FBLN2: variants seen among roughly 807,000 people sequenced by gnomAD.
FBLN2 encodes the protein fibulin 2.
Under a neutral mutation model 123.7 loss-of-function variants are expected in FBLN2, and 81 were observed. The observed-to-expected ratio is 0.65, with a 90% CI of 0.55 to 0.79. The LOEUF (loss-of-function observed/expected upper bound fraction) is 0.79. Ranked by LOEUF, FBLN2 falls within the 30% of genes least tolerant of loss-of-function variation. The probability of loss-of-function intolerance (pLI) is 0.00; values close to 1 mark genes in which losing one functional copy is unlikely to be tolerated. For synonymous variants in FBLN2, 699 were observed against 701.4 expected (o/e 1.00, Z 0.05); for missense variants, 1,603 against 1,681.3 (o/e 0.95, Z 0.81).
intron 1 of FBLN2, among the ~76,000 whole-genome samples, chr3:13,549,987 CAG>C (rs548326504): frequency 5.9e-5 from 9 of 152,372 alleles, no homozygotes; most frequent in Admixed American, 1.3e-4. Context: ...GTCCGCCACA[CAG>C]GGGTAGCTAT....
Position 13,549,528 on chromosome 3 carries a change from C to A in FBLN2, c.-42+320C>A, listed in dbSNP as rs1013563653. 9.2e-5 allele frequency among the ~76,000 whole-genome samples: 14 copies of A among 151,804 alleles called. No homozygotes were observed. The East Asian group carries it at 2.3e-3, about 25-fold the overall frequency. ...CCTCCGCTCTGGGTTTCACTTCTCC[C>A]CCCTGGGCCGGCTCCCACCAGTCAT... is the stretch of plus-strand genomic sequence containing the variant. On this transcript the variant is annotated intron_variant, in intron 1 of 17. Transcript: ENST00000404922.
intron 1 of FBLN2, among the ~76,000 whole-genome samples, chr3:13,568,067 G>A (rs537332725): frequency 1.3e-4 from 20 of 152,230 alleles, no homozygotes; most frequent in African/African-American, 4.8e-4. Flanking sequence ...TTCTCCCAGG[G>A]GCCCATTCCT....
At chr3:13,559,898 C>T (rs985372906) in intron 1 of FBLN2, among the ~76,000 whole-genome samples, 1 of 152,108 alleles carries the variant, frequency 6.6e-6, no homozygotes, top group African/African-American at 2.4e-5. Context: ...CCGCCCCAGG[C>T]GGGGCATGGG....
chr3:13,592,793 T>A (rs1704717840), intron 2 of FBLN2, among the ~76,000 whole-genome samples: 1 of 152,212 alleles, frequency 6.6e-6, no homozygotes. Context: ...ATTTCTGGCT[T>A]ATATTAGTTT....
Position 13,571,103 on chromosome 3 carries a change from G to C in FBLN2, c.748G>C (p.Val250Leu). 1 of 1,553,066 alleles carries C rather than the reference G, an allele frequency of 6.4e-7. No homozygotes were observed. Among genetic ancestry groups the C allele is most frequent in the Non-Finnish European group, 8.7e-7 (1 of 1,148,444 alleles). The change falls in exon 2 of 18, where the codon GTC (valine) becomes CTC (leucine). Residue 250 changes from valine to leucine, a missense_variant. Coordinates refer to ENST00000404922, the MANE Select transcript of FBLN2 (RefSeq NM_001004019.2). Reference sequence around the variant, plus strand: ...CATCCAGGCACCCCCCTGGCCAGCTGTCCTCCCCAGGCCCACAGCGGCTGC... The same window carrying C: ...CATCCAGGCACCCCCCTGGCCAGCTCTCCTCCCCAGGCCCACAGCGGCTGC... ...STIQAPPWPA[V>L]LPRPTAAAAL...
At chr3:13,620,759 A>G (rs890682090) in intron 8 of FBLN2, among the ~76,000 whole-genome samples, 9 of 152,292 alleles carry the variant, frequency 5.9e-5, no homozygotes, top group Middle Eastern at 6.8e-3. Flanking sequence ...CTGGGGGAGA[A>G]CAGAGTCAAG....
chr3:13,630,569 C>G (rs1575000844), intron 14 of FBLN2, 130 bp from the exon 15 acceptor site: 1 of 678,286 alleles, frequency 1.5e-6, no homozygotes, highest in Admixed American at 2.6e-5. Context: ...GGCAGGAGAG[C>G]TGGCCCTCGC....
chr3:13,582,890 A>G (rs528855473), intron 2 of FBLN2, among the ~76,000 whole-genome samples: 3 of 152,382 alleles, frequency 2.0e-5, no homozygotes, highest in South Asian at 4.1e-4. Context: ...GTAGATGTGT[A>G]TCTTCTGGTG....
At chr3:13,609,692 G>GGGGGGGGGGGGGGGGGGGGC in intron 4 of FBLN2, 50 bp downstream of exon 4, 1 of 508,394 alleles carries the variant, frequency 2.0e-6, no homozygotes, top group Non-Finnish European at 3.8e-6. Context: ...GGCGGGGCGG[G>GGGGGGGGGGGGGGGGGGGGC]AGGCTGGCCT....
chr3:13,635,393 CA>C (rs1706423583), intron 16 of FBLN2, among the ~76,000 whole-genome samples: 1 of 151,996 alleles, frequency 6.6e-6, no homozygotes, highest in Non-Finnish European at 1.5e-5. Flanking sequence ...CACACACACA[CA>C]CACACCCACA....
At chr3:13,551,278 C>A (rs1703316070) in intron 1 of FBLN2, among the ~76,000 whole-genome samples, 1 of 152,190 alleles carries the variant, frequency 6.6e-6, no homozygotes, top group Admixed American at 6.5e-5. Flanking sequence ...ATGAGTGGTG[C>A]CCAGGGCCCT....
intron 2 of FBLN2, among the ~76,000 whole-genome samples, chr3:13,589,946 G>C (rs116253057): frequency 2.5e-4 from 38 of 152,140 alleles, no homozygotes; most frequent in African/African-American, 8.9e-4. Flanking sequence ...AACAGTACTC[G>C]TCTTAGAGCT....
intron 1 of FBLN2, among the ~76,000 whole-genome samples, chr3:13,560,241 C>CT (rs906765326): frequency 1.3e-4 from 20 of 151,668 alleles, no homozygotes; most frequent in Non-Finnish European, 2.4e-4. Context: ...CTTGTTTTTT[C>CT]TTTTTTTTAG....
intron 2 of FBLN2, among the ~76,000 whole-genome samples, chr3:13,603,623 A>G (rs930531417): frequency 2.6e-5 from 4 of 151,892 alleles, no homozygotes; most frequent in Admixed American, 1.3e-4. Context: ...CATTTTCTTA[A>G]TCCAGTCTAT....
intron 16 of FBLN2, among the ~76,000 whole-genome samples, chr3:13,633,498 G>T (rs1706333288): frequency 6.6e-6 from 1 of 152,252 alleles, no homozygotes; most frequent in African/African-American, 2.4e-5. Flanking sequence ...CACAGTGGGG[G>T]CTGCCGGCTC....
intron 1 of FBLN2, among the ~76,000 whole-genome samples, chr3:13,567,796 T>G (rs13326174): frequency 6.6e-6 from 1 of 152,038 alleles, no homozygotes; most frequent in Middle Eastern, 3.4e-3. Flanking sequence ...AGTGAGACCC[T>G]TGTTAAAAAA....
chr3:13,549,584 C>G lies in FBLN2; in HGVS notation c.-42+376C>G, dbSNP rs966840078. Among the ~76,000 whole-genome samples, 10 of 149,544 alleles carry G rather than the reference C, an allele frequency of 6.7e-5. No individual in the cohort carries two copies. In the East Asian group the frequency reaches 1.8e-3, roughly 27 times the overall value. On this transcript the variant is annotated intron_variant, in intron 1 of 17. Coordinates refer to ENST00000404922, the MANE Select transcript of FBLN2 (RefSeq NM_001004019.2). ...CTGGTCCCACTGCCCACCCCCACCC[C>G]GACCGCAGGACCTTGCCGCCCCTCC...
chr3:13,619,728 A>G lies in FBLN2; in HGVS notation c.2054-2A>G, dbSNP rs374104592. On this transcript the variant is annotated splice_acceptor_variant, in intron 7 of 17. Transcript: ENST00000404922. LOFTEE classifies it high-confidence loss of function. ...CTCTGATTTCTGTGTGGTTTCCTCC[A>G]GACAATGGACCCTGCAAGCAGGTGT... The G allele has an allele frequency of 1.2e-6, 2 of 1,612,972 alleles. No individual in the cohort carries two copies. The highest frequency in any genetic ancestry group is 2.7e-5 in the African/African-American group (2 of 74,918).
chr3:13,564,760 C>G (rs1310183334), intron 1 of FBLN2, among the ~76,000 whole-genome samples: 1 of 152,212 alleles, frequency 6.6e-6, no homozygotes, highest in African/African-American at 2.4e-5. Flanking sequence ...CCCAGGTGGC[C>G]TTGACCTTCC....
Sources: gnomAD v4.1 joint callset for allele counts (sites outside exome capture counted in the v4.1 genomes callset) on GRCh38, gnomAD v4.1.1 for gene constraint, MANE v1.5 for transcripts, NCBI Gene and HGNC (gene_info 2026-07-23, HGNC 2026-07-21) for gene names.